CDH4: variants seen among roughly 807,000 people sequenced by gnomAD.
The protein encoded by CDH4 is cadherin-4.
CDH4 carries 33 observed loss-of-function variants against 86.0 expected under a neutral mutation model. The ratio of observed to expected loss-of-function variants is 0.38; its 90% CI spans 0.29 to 0.51. CDH4 has a LOEUF of 0.51. Among genes scored for constraint, CDH4 ranks in the 20% least tolerant of loss-of-function variants. The pLI, the probability that CDH4 is intolerant of heterozygous loss-of-function variation, is 0.86. For synonymous variants in CDH4, 555 were observed against 549.4 expected (o/e 1.01, Z -0.14); for missense variants, 1,114 against 1,307.4 (o/e 0.85, Z 2.28).
At chr20:61,330,003 C>A (rs1252386250) in intron 2 of CDH4, among the ~76,000 whole-genome samples, 1 of 152,156 alleles carries the variant, frequency 6.6e-6, no homozygotes, top group Non-Finnish European at 1.5e-5. Context: ...CATGTCCCTG[C>A]AAAGGACATG....
chr20:61,338,104 C>T (rs183705150), intron 2 of CDH4, among the ~76,000 whole-genome samples: 1 of 152,280 alleles, frequency 6.6e-6, no homozygotes, highest in East Asian at 1.9e-4. Flanking sequence ...ATTGAAATCA[C>T]CTCTAGCTAT....
intron 2 of CDH4, among the ~76,000 whole-genome samples, chr20:61,313,963 G>A (rs1415095343): frequency 6.6e-6 from 1 of 152,114 alleles, no homozygotes; most frequent in Non-Finnish European, 1.5e-5. Flanking sequence ...TCAAACTCCT[G>A]AGCTCAAGTG....
chr20:61,603,978 C>T (rs897127078), intron 2 of CDH4, among the ~76,000 whole-genome samples: 4 of 152,090 alleles, frequency 2.6e-5, no homozygotes, highest in African/African-American at 4.8e-5. Context: ...CAGGGACATA[C>T]GCTGATGCAC....
chr20:61,264,093 G>A (rs759721502), intron 2 of CDH4, among the ~76,000 whole-genome samples: 4 of 152,172 alleles, frequency 2.6e-5, no homozygotes, highest in South Asian at 2.1e-4. Flanking sequence ...CACAGCCTCC[G>A]GAATTAGGAT....
At chr20:61,411,157 T>TCCAC (rs1222826064) in intron 2 of CDH4, among the ~76,000 whole-genome samples, 4 of 151,768 alleles carry the variant, frequency 2.6e-5, no homozygotes, top group African/African-American at 4.9e-5. Flanking sequence ...CATCCATCCA[T>TCCAC]CCTTGCTAGA....
intron 9 of CDH4, among the ~76,000 whole-genome samples, chr20:61,912,520 C>T (rs1309817844): frequency 6.6e-6 from 1 of 152,200 alleles, no homozygotes; most frequent in Non-Finnish European, 1.5e-5. Context: ...GTGAAATGAA[C>T]TTCCGTATAC....
intron 2 of CDH4, among the ~76,000 whole-genome samples, chr20:61,478,574 C>A (rs748883345): frequency 5.9e-5 from 9 of 152,034 alleles, no homozygotes; most frequent in Non-Finnish European, 1.3e-4. Context: ...TGTAGATTAA[C>A]CTCTAGGGCA....
intron 2 of CDH4, among the ~76,000 whole-genome samples, chr20:61,549,941 G>A (rs1331154939): frequency 6.6e-6 from 1 of 152,160 alleles, no homozygotes; most frequent in African/African-American, 2.4e-5. Context: ...AGCTGGTCCT[G>A]GAGTCCTGGC....
chr20:61,763,287 C>T (rs1311166876), intron 3 of CDH4, among the ~76,000 whole-genome samples: 1 of 143,346 alleles, frequency 7.0e-6, no homozygotes, highest in Non-Finnish European at 1.6e-5. Context: ...GCAGGAGCAT[C>T]AGATGGCCCC....
chr20:61,539,278 C>T (rs1358408283), intron 2 of CDH4, among the ~76,000 whole-genome samples: 1 of 152,218 alleles, frequency 6.6e-6, no homozygotes, highest in East Asian at 1.9e-4. Context: ...GGGCCGTGTC[C>T]ACAGTGTAGG....
At chr20:61,904,741 C>T (rs757873515) in intron 8 of CDH4, among the ~76,000 whole-genome samples, 9 of 152,238 alleles carry the variant, frequency 5.9e-5, no homozygotes, top group Middle Eastern at 3.2e-3. Flanking sequence ...CCCACGTGGC[C>T]GCTTGCCGTG....
At chr20:61,809,691 C>T (rs1451680707) in intron 4 of CDH4, among the ~76,000 whole-genome samples, 1 of 152,150 alleles carries the variant, frequency 6.6e-6, no homozygotes, top group Non-Finnish European at 1.5e-5. Context: ...GTTTTAATGC[C>T]AGGAGGGGTT....
rs182677771 is a variant in CDH4 at position 61,776,456 on chromosome 20, G to A, written c.576+3274G>A. Among the ~76,000 whole-genome samples, 785 of 152,350 alleles carry A rather than the reference G, an allele frequency of 5.2e-3. 10 individuals are homozygous for A. Among genetic ancestry groups the A allele is most frequent in the South Asian group, 0.031 (151 of 4,830 alleles). ...AACCACCCCCAGCATCTCCGACCCA[G>A]GAAGTGGCAGCTTCTCCTGTTCTGG... On this transcript the variant is annotated intron_variant, in intron 4 of 15. Coordinates refer to ENST00000614565, the MANE Select transcript of CDH4 (RefSeq NM_001794.5).
intron 4 of CDH4, among the ~76,000 whole-genome samples, chr20:61,792,436 T>C (rs2146017950): frequency 6.6e-6 from 1 of 152,256 alleles, no homozygotes; most frequent in Admixed American, 6.5e-5. Flanking sequence ...AAGGGCCTCT[T>C]CCAAGATGCA....
At chr20:61,870,025 G>T (rs771707917) in intron 6 of CDH4, among the ~76,000 whole-genome samples, 4 of 152,216 alleles carry the variant, frequency 2.6e-5, no homozygotes, top group Admixed American at 6.5e-5. Flanking sequence ...CAGTGATATG[G>T]TGGATCAGGG....
intron 6 of CDH4, among the ~76,000 whole-genome samples, chr20:61,855,885 C>T (rs1029154699): frequency 6.6e-6 from 1 of 152,208 alleles, no homozygotes; most frequent in Non-Finnish European, 1.5e-5. Context: ...CATGGACTCT[C>T]AGAGCCCCTG....
At chr20:61,256,962 C>T (rs377730394) in intron 2 of CDH4, among the ~76,000 whole-genome samples, 70 of 152,266 alleles carry the variant, frequency 4.6e-4, no homozygotes, top group African/African-American at 8.9e-4. Context: ...GGCACTGAAA[C>T]GAGGGCACAG....
intron 2 of CDH4, among the ~76,000 whole-genome samples, chr20:61,618,689 C>T (rs931066266): frequency 6.6e-6 from 1 of 152,218 alleles, no homozygotes; most frequent in African/African-American, 2.4e-5. Context: ...ATCACGGGTA[C>T]TCTGAGATTC....
intron 2 of CDH4, among the ~76,000 whole-genome samples, chr20:61,264,665 C>T (rs2084146842): frequency 6.7e-6 from 1 of 148,632 alleles, no homozygotes; most frequent in African/African-American, 2.5e-5. Flanking sequence ...ACCTCAGTGG[C>T]TCCTTCATTC....
Sources: allele counts gnomAD v4.1 joint callset (sites outside exome capture counted in the v4.1 genomes callset), GRCh38; gene constraint gnomAD v4.1.1; transcripts MANE v1.5; gene names NCBI Gene and HGNC (gene_info 2026-07-23, HGNC 2026-07-21).